FBN1: variants seen among roughly 807,000 people sequenced by gnomAD.
FBN1 encodes the protein fibrillin-1.
A neutral mutation model predicts 365.1 loss-of-function variants in FBN1; 29 were observed. The observed-to-expected ratio is 0.08, with a 90% CI of 0.06 to 0.11. The LOEUF is 0.11. Ranked by LOEUF, FBN1 falls within the 10% of genes least tolerant of loss-of-function variation. FBN1 has a pLI of 1.00. For synonymous variants in FBN1, 1,210 were observed against 1,270.5 expected (o/e 0.95, Z 1.01); for missense variants, 2,476 against 3,703.2 (o/e 0.67, Z 8.60).
intron 6 of FBN1, among the ~76,000 whole-genome samples, chr15:48,539,158 T>C (rs910570498): frequency 2.0e-5 from 3 of 152,076 alleles, no homozygotes; most frequent in African/African-American, 7.2e-5. Flanking sequence ...CTCCAACCCC[T>C]CCCTTGGAAT....
chr15:48,532,369 G>C (rs1187580923), intron 8 of FBN1, among the ~76,000 whole-genome samples: 1 of 151,528 alleles, frequency 6.6e-6, no homozygotes, highest in Non-Finnish European at 1.5e-5. Context: ...GTTGATGTAG[G>C]TTTTGCATGT....
chr15:48,507,829 A>ACTC (rs2141320600), intron 15 of FBN1, among the ~76,000 whole-genome samples: 1 of 152,212 alleles, frequency 6.6e-6, no homozygotes, highest in East Asian at 1.9e-4. Flanking sequence ...TCTGGTTCCA[A>ACTC]CTCAGATCCT....
chr15:48,615,451 C>A (rs1889633653), intron 2 of FBN1, among the ~76,000 whole-genome samples: 1 of 151,832 alleles, frequency 6.6e-6, no homozygotes, highest in Non-Finnish European at 1.5e-5. Context: ...AAAGATTTTC[C>A]AAGGAATTTG....
chr15:48,569,007 A>T (rs997903969), intron 6 of FBN1, among the ~76,000 whole-genome samples: 3 of 152,244 alleles, frequency 2.0e-5, no homozygotes, highest in African/African-American at 4.8e-5. Flanking sequence ...CATCAAAATT[A>T]AAAATGTTTA....
intron 2 of FBN1, among the ~76,000 whole-genome samples, chr15:48,628,201 G>C (rs951771556): frequency 8.6e-5 from 13 of 151,826 alleles, no homozygotes; most frequent in Non-Finnish European, 1.6e-4. Flanking sequence ...GGCAGCTCTT[G>C]TCCCTACCTT....
intron 2 of FBN1, among the ~76,000 whole-genome samples, chr15:48,632,827 C>A (rs1050807971): frequency 1.3e-5 from 2 of 152,202 alleles, no homozygotes; most frequent in African/African-American, 4.8e-5. Flanking sequence ...TGTTCAGGCA[C>A]TTTCTCAGAT....
At chr15:48,441,087 G>A (rs1217648637) in intron 50 of FBN1, among the ~76,000 whole-genome samples, 1 of 152,078 alleles carries the variant, frequency 6.6e-6, no homozygotes, top group African/African-American at 2.4e-5. Flanking sequence ...ACAGTTTTCT[G>A]GGACTTAAGT....
At chr15:48,421,536 C>A (rs367602139) in intron 62 of FBN1, 22 bp downstream of exon 62, 6 of 1,609,494 alleles carry the variant, frequency 3.7e-6, no homozygotes, top group Middle Eastern at 4.0e-4. Context: ...CCAGCTGGAT[C>A]GCAGCTGAAG....
At position 48,483,768 on chromosome 15, in the gene FBN1, G is replaced by T. The variant is rs757539835; in HGVS notation, c.3838+50C>A. The T allele has an allele frequency of 2.5e-6, 4 of 1,608,828 alleles. No individual in the cohort carries two copies. The South Asian group carries it at 3.3e-5, about 13-fold the overall frequency. ...CAAACTAACTTTATGTAATTTAACA[G>T]TGCTTATGACTAACAAGACAAGATG... is the stretch of plus-strand genomic sequence containing the variant. On this transcript the variant is annotated intron_variant, in intron 31 of 65. Transcript: ENST00000316623.
In FBN1 at chr15:48,428,356, G is replaced by C. The variant is rs363831; in HGVS notation, c.6987C>G (p.Asp2329Glu). 2.2e-4 allele frequency: 349 copies of C among 1,614,100 alleles called. 3 individuals carry two copies. The East Asian group carries it at 4.6e-3, about 21-fold the overall frequency. The part of the protein sequence containing the change: ...NDGFTASPNQ[D>E]ECLDNREGYC... Reference sequence around the variant, plus strand: ...GCCAACTGTACTCACCAAGGCACTCGTCCTGGTTGGGGCTGGCGGTAAACC... The same window carrying C: ...GCCAACTGTACTCACCAAGGCACTCCTCCTGGTTGGGGCTGGCGGTAAACC... Residue 2329 changes from aspartate to glutamate, a missense_variant, in exon 57 of 66, where the codon GAC becomes GAG. This residue lies in a region of FBN1 where 1,780 missense variants were observed against 2,840.8 expected (regional missense o/e 0.63). Coordinates refer to ENST00000316623, the MANE Select transcript of FBN1 (RefSeq NM_000138.5).
chr15:48,634,200 A>G (rs1055961130), intron 2 of FBN1, among the ~76,000 whole-genome samples: 13 of 152,228 alleles, frequency 8.5e-5, no homozygotes, highest in Non-Finnish European at 7.3e-5. Flanking sequence ...ACAATAAACC[A>G]TTAGTTACAA....
intron 34 of FBN1, among the ~76,000 whole-genome samples, chr15:48,473,381 T>C (rs1322929397): frequency 6.6e-6 from 1 of 152,220 alleles, no homozygotes; most frequent in African/African-American, 2.4e-5. Context: ...CTATGCGACC[T>C]AATGGCTAAT....
At position 48,492,601 on chromosome 15, in the gene FBN1, A is replaced by G; in HGVS notation, c.2729-15T>C. 1 of 1,523,774 alleles carries G rather than the reference A, an allele frequency of 6.6e-7. No individual in the cohort carries two copies. Among genetic ancestry groups the G allele is most frequent in the Non-Finnish European group, 9.1e-7 (1 of 1,103,192 alleles). The allele number at this position is 1,523,774 out of a possible 1,614,324, so 94.4% of individuals were successfully genotyped here. On this transcript the variant is annotated splice_polypyrimidine_tract_variant and intron_variant, in intron 23 of 65. Coordinates refer to ENST00000316623, the MANE Select transcript of FBN1 (RefSeq NM_000138.5). ...TTCATCTATATCTAAAAAGAAAAAA[A>G]AAGTATAAAGTTAATATATCTTTAT...
In FBN1 at chr15:48,429,092, A is replaced by G. The variant is rs567815579; in HGVS notation, c.6872-621T>C. The stretch of plus-strand genomic sequence containing the variant: ...TATATACTTAAACATAGATGGTAGC[A>G]TTTTATGCACACTTACATTTTTCAC... On this transcript the variant is annotated intron_variant, in intron 56 of 65. Coordinates refer to ENST00000316623, the MANE Select transcript of FBN1 (RefSeq NM_000138.5). 4.6e-5 allele frequency among the ~76,000 whole-genome samples: 7 copies of G among 152,372 alleles called. No individual in the cohort carries two copies. The East Asian group carries it at 1.4e-3, about 29-fold the overall frequency.
At chr15:48,606,367 T>C (rs2044609578) in intron 4 of FBN1, among the ~76,000 whole-genome samples, 1 of 152,154 alleles carries the variant, frequency 6.6e-6, no homozygotes. Context: ...CCAAACAAAC[T>C]TGTGGTACAT....
Position 48,495,606 on chromosome 15 carries a change from C to A in FBN1, c.2420-18G>T. The stretch of plus-strand genomic sequence containing the variant: ...ATCAATGTCTGAAACAAAAACAGGT[C>A]TACATTACTGCTAAAATCTAGTCTT... On this transcript the variant is annotated intron_variant, in intron 20 of 65. Coordinates refer to ENST00000316623, the MANE Select transcript of FBN1 (RefSeq NM_000138.5). 6.2e-7 allele frequency: 1 copy of A among 1,613,988 alleles called. No homozygotes were observed.
intron 44 of FBN1, among the ~76,000 whole-genome samples, chr15:48,453,885 T>C (rs1435488781): frequency 1.3e-5 from 2 of 152,102 alleles, no homozygotes; most frequent in Non-Finnish European, 2.9e-5. Flanking sequence ...ATCTAAACTT[T>C]CCCACTTAGT....
At chr15:48,605,837 T>C (rs550913686) in intron 4 of FBN1, among the ~76,000 whole-genome samples, 1 of 152,316 alleles carries the variant, frequency 6.6e-6, no homozygotes, top group East Asian at 1.9e-4. Context: ...ATCGCACCAC[T>C]GTACTCCAAC....
At chr15:48,626,140 C>A (rs1251530338) in intron 2 of FBN1, among the ~76,000 whole-genome samples, 1 of 151,906 alleles carries the variant, frequency 6.6e-6, no homozygotes, top group East Asian at 1.9e-4. Flanking sequence ...CCTGTAGCTT[C>A]CCAGCTACTT....
Sources: allele counts gnomAD v4.1 joint callset (sites outside exome capture counted in the v4.1 genomes callset), GRCh38; gene constraint gnomAD v4.1.1; regional missense constraint gnomAD v4.1.1; transcripts MANE v1.5; gene names NCBI Gene and HGNC (gene_info 2026-07-23, HGNC 2026-07-21).